STAU1: variants seen among roughly 807,000 people sequenced by gnomAD.
The protein encoded by STAU1 is double-stranded RNA-binding protein Staufen homolog 1.
STAU1 carries 13 observed loss-of-function variants against 62.9 expected under a neutral mutation model. That is an observed-to-expected ratio of 0.21 (90% CI 0.13 to 0.33). STAU1 has a LOEUF of 0.33. Among genes scored for constraint, STAU1 ranks in the 10% least tolerant of loss-of-function variants. The probability of loss-of-function intolerance (pLI) is 1.00; values close to 1 mark genes in which losing one functional copy is unlikely to be tolerated. For missense variants in STAU1, 571 were observed against 712.1 expected (o/e 0.80, Z 2.25); for synonymous variants, 269 against 265.1 (o/e 1.01, Z -0.14).
At chr20:49,122,462 C>T (rs2092484884) in intron 8 of STAU1, among the ~76,000 whole-genome samples, 1 of 152,174 alleles carries the variant, frequency 6.6e-6, no homozygotes, top group South Asian at 2.1e-4. Flanking sequence ...TGCAACACAC[C>T]CACATTCCCA....
intron 3 of STAU1, among the ~76,000 whole-genome samples, chr20:49,161,887 T>C (rs2093454051): frequency 6.6e-6 from 1 of 152,122 alleles, no homozygotes; most frequent in South Asian, 2.1e-4. Context: ...AGCCAGGTAA[T>C]CTAGGAGAGG....
the STAU1 span, among the ~76,000 whole-genome samples, chr20:49,197,504 G>A: frequency 1.3e-5 from 2 of 150,652 alleles, no homozygotes; most frequent in Non-Finnish European, 2.9e-5. Flanking sequence ...GGGTTCCACT[G>A]CTTCTCCTGC....
At chr20:49,179,890 G>A (rs1301493809) in intron 1 of STAU1, among the ~76,000 whole-genome samples, 1 of 152,202 alleles carries the variant, frequency 6.6e-6, no homozygotes, top group African/African-American at 2.4e-5. Context: ...GACATGCTAT[G>A]TCATTACAGA....
At chr20:49,205,176 T>C in the STAU1 span, among the ~76,000 whole-genome samples, 1 of 152,126 alleles carries the variant, frequency 6.6e-6, no homozygotes, top group Non-Finnish European at 1.5e-5. Context: ...ATTTAAAACG[T>C]ATTTTCGTAT....
chr20:49,183,489 TG>T (rs2093751329), intron 1 of STAU1, among the ~76,000 whole-genome samples: 1 of 152,236 alleles, frequency 6.6e-6, no homozygotes, highest in African/African-American at 2.4e-5. Flanking sequence ...GGGATTGACT[TG>T]TGGAATCCCA....
At chr20:49,208,467 T>C in the STAU1 span, among the ~76,000 whole-genome samples, 4 of 151,976 alleles carry the variant, frequency 2.6e-5, no homozygotes, top group African/African-American at 9.7e-5. Flanking sequence ...CCTCTCAAAG[T>C]GCTGGGATTA....
chr20:49,190,705 G>A (rs2093830090), upstream of STAU1, among the ~76,000 whole-genome samples: 1 of 152,114 alleles, frequency 6.6e-6, no homozygotes, highest in African/African-American at 2.4e-5. Flanking sequence ...GACCTCTTGA[G>A]TCTTGCTAAG....
intron 1 of STAU1, among the ~76,000 whole-genome samples, chr20:49,186,463 G>A (rs898593014): frequency 4.6e-5 from 7 of 152,012 alleles, no homozygotes; most frequent in Non-Finnish European, 7.4e-5. Flanking sequence ...GTTAAGAGAT[G>A]GGTATAAATC....
the STAU1 span, chr20:49,219,258 GGC>G: frequency 7.8e-7 from 1 of 1,274,370 alleles, no homozygotes; most frequent in Non-Finnish European, 1.1e-6. Flanking sequence ...GCCCCTTGAT[GGC>G]GTCACACGAA....
Position 49,156,866 on chromosome 20 carries a change from G to A in STAU1, c.206-2795C>T, listed in dbSNP as rs2093366271. On this transcript the variant is annotated intron_variant, in intron 3 of 13. Coordinates refer to ENST00000371856, the MANE Select transcript of STAU1 (RefSeq NM_017453.4). ...ACAACAAAAAAAAGAGATTGTGTGT[G>A]TATGCACTGAAATTTTTTTTTTTTT... 3.1e-5 allele frequency among the ~76,000 whole-genome samples: 4 copies of A among 130,484 alleles called. No individual in the cohort carries two copies. In the Admixed American group the frequency reaches 3.1e-4, roughly 10 times the overall value. 85.6% of individuals were successfully genotyped at this position (130,484 alleles called of 152,430 possible).
intron 3 of STAU1, among the ~76,000 whole-genome samples, chr20:49,163,761 G>T (rs2093485248): frequency 6.6e-6 from 1 of 151,886 alleles, no homozygotes; most frequent in Non-Finnish European, 1.5e-5. Flanking sequence ...TATCAGATTT[G>T]AATGTTTCTA....
At chr20:49,195,535 C>CAAA in the STAU1 span, among the ~76,000 whole-genome samples, 9,642 of 37,898 alleles carry the variant, frequency 0.25, 3,169 homozygotes, top group Middle Eastern at 0.67. Context: ...GACTCCGTCT[C>CAAA]AAAAAAAAAA....
chr20:49,198,962 C>T, the STAU1 span, among the ~76,000 whole-genome samples: 1 of 151,522 alleles, frequency 6.6e-6, no homozygotes. Context: ...GATGAGACCC[C>T]GTCCCCCTGC....
chr20:49,158,194 A>C (rs549940718), intron 3 of STAU1, among the ~76,000 whole-genome samples: 3 of 152,214 alleles, frequency 2.0e-5, no homozygotes, highest in African/African-American at 7.2e-5. Flanking sequence ...AGGCAAGAGA[A>C]TCACTTGAAC....
upstream of STAU1, among the ~76,000 whole-genome samples, chr20:49,192,444 A>G (rs530735108): frequency 2.0e-5 from 3 of 152,318 alleles, no homozygotes; most frequent in South Asian, 4.1e-4. Context: ...AATAAACTTT[A>G]CAAGAAATAT....
chr20:49,134,782 T>C, intron 6 of STAU1: 1 of 1,197,722 alleles, frequency 8.3e-7, no homozygotes, highest in Admixed American at 1.7e-5. Context: ...TGGGAATCAT[T>C]AGTTTTCCCA....
chr20:49,192,786 C>A (rs1031643776), upstream of STAU1, among the ~76,000 whole-genome samples: 1 of 151,910 alleles, frequency 6.6e-6, no homozygotes, highest in African/African-American at 2.4e-5. Context: ...TGGAGTGAGA[C>A]CCTGACTCAA....
intron 6 of STAU1, among the ~76,000 whole-genome samples, chr20:49,127,708 A>C (rs1025528953): frequency 1.3e-5 from 2 of 150,810 alleles, no homozygotes; most frequent in African/African-American, 4.9e-5. Context: ...TTTGTCTAAA[A>C]AACAAAAAAA....
the STAU1 span, among the ~76,000 whole-genome samples, chr20:49,212,614 A>ATTTTTTTTTT: frequency 1.7e-4 from 1 of 5,770 alleles, no homozygotes; most frequent in East Asian, 0.01. Flanking sequence ...AAGCTATTGG[A>ATTTTTTTTTT]ATTTTTTTTT....
Sources: allele counts gnomAD v4.1 joint callset (sites outside exome capture counted in the v4.1 genomes callset), GRCh38; gene constraint gnomAD v4.1.1; transcripts MANE v1.5; gene names NCBI Gene and HGNC (gene_info 2026-07-23, HGNC 2026-07-21).